Variants in WWOX observed in about 807,000 individuals in gnomAD.
The protein encoded by WWOX is WW domain containing oxidoreductase.
In WWOX, 69 loss-of-function variants were observed where a neutral mutation model predicts 46.2. The ratio of observed to expected loss-of-function variants is 1.49; its 90% CI spans 1.23 to 1.82. The LOEUF (loss-of-function observed/expected upper bound fraction) is 1.82. Among genes scored for constraint, WWOX ranks in the 40% most tolerant of loss-of-function variants. The pLI, the probability that WWOX is intolerant of heterozygous loss-of-function variation, is 0.00. For missense variants in WWOX, 919 were observed against 542.6 expected, an observed-to-expected ratio of 1.69 and a Z score of -6.89; for synonymous variants, 359 against 202.6, an observed-to-expected ratio of 1.77 and a Z score of -6.56.
chr16:78,391,052 A>G (rs902025482), intron 6 of WWOX, among the ~76,000 whole-genome samples: 1 of 152,186 alleles, frequency 6.6e-6, no homozygotes, highest in Non-Finnish European at 1.5e-5. Context: ...CTTAGAGCAG[A>G]AAAGGTAGAA....
At chr16:78,376,408 G>A (rs549529489) in intron 5 of WWOX, among the ~76,000 whole-genome samples, 1 of 152,198 alleles carries the variant, frequency 6.6e-6, no homozygotes, top group Admixed American at 6.5e-5. Context: ...ATTTGAACCA[G>A]GCTGTCCCTG....
intron 5 of WWOX, among the ~76,000 whole-genome samples, chr16:78,255,943 G>C (rs1381598520): frequency 6.6e-6 from 1 of 151,748 alleles, no homozygotes; most frequent in African/African-American, 2.4e-5. Context: ...CAAGGTAAGG[G>C]GTTTGAGACC....
chr16:78,530,429 A>G (rs2043594581), intron 8 of WWOX, among the ~76,000 whole-genome samples: 1 of 152,174 alleles, frequency 6.6e-6, no homozygotes, highest in African/African-American at 2.4e-5. Context: ...AAAAGAAGAC[A>G]AAGCAGGAAG....
intron 8 of WWOX, among the ~76,000 whole-genome samples, chr16:78,731,201 T>A (rs1220788308): frequency 1.3e-5 from 2 of 152,156 alleles, no homozygotes; most frequent in African/African-American, 4.8e-5. Flanking sequence ...TATTTCATTA[T>A]CTGTATTAAT....
intron 8 of WWOX, among the ~76,000 whole-genome samples, chr16:78,458,446 A>G (rs993913110): frequency 2.6e-5 from 4 of 151,812 alleles, no homozygotes; most frequent in African/African-American, 9.7e-5. Context: ...TTTTTTATAG[A>G]GACAAGGTTT....
chr16:78,402,578 C>T (rs1198737729), intron 6 of WWOX, among the ~76,000 whole-genome samples: 4 of 152,104 alleles, frequency 2.6e-5, no homozygotes, highest in Non-Finnish European at 5.9e-5. Flanking sequence ...CCTTTCTGAG[C>T]CCCTCTTGAA....
Position 79,212,202 on chromosome 16 carries a change from T to G in WWOX, c.*406T>G, listed in dbSNP as rs993237472. On this transcript the variant is annotated 3_prime_UTR_variant, in exon 9 of 9. Transcript: ENST00000566780. ...AGCCGGGGGCTGGCCTTCTCCTACT[T>G]AGGGAAGAAAAAGCAAGTGTTCACT... is the stretch of plus-strand genomic sequence containing the variant. 3.8e-5 allele frequency: 55 copies of G among 1,450,556 alleles called. No individual in the cohort carries two copies. Among genetic ancestry groups the G allele is most frequent in the Non-Finnish European group, 1.3e-5 (14 of 1,108,412 alleles). 89.9% of individuals were successfully genotyped at this position (1,450,556 alleles called of 1,614,324 possible). A position where few individuals can be genotyped will look rare whatever the true frequency, so the allele number is the denominator to read the frequency against.
chr16:78,283,565 A>C (rs2079717456), intron 5 of WWOX, among the ~76,000 whole-genome samples: 2 of 152,170 alleles, frequency 1.3e-5, no homozygotes, highest in Non-Finnish European at 2.9e-5. Flanking sequence ...TACAATTTGA[A>C]AACGGATACA....
chr16:79,175,045 C>G (rs1042714832), intron 8 of WWOX, among the ~76,000 whole-genome samples: 1 of 152,210 alleles, frequency 6.6e-6, no homozygotes, highest in Admixed American at 6.5e-5. Context: ...CTCTCATTAT[C>G]CCACCAATCT....
chr16:78,565,675 C>A (rs1597276280), intron 8 of WWOX, among the ~76,000 whole-genome samples: 1 of 152,178 alleles, frequency 6.6e-6, no homozygotes, highest in South Asian at 2.1e-4. Context: ...GTGTAGACTT[C>A]TCTTGTAGGG....
intron 8 of WWOX, among the ~76,000 whole-genome samples, chr16:78,764,924 C>T (rs1366599210): frequency 6.6e-6 from 1 of 152,110 alleles, no homozygotes; most frequent in Admixed American, 6.5e-5. Flanking sequence ...GAATTATCTG[C>T]ATTGTGCCTT....
chr16:78,821,192 G>A (rs2051483310), intron 8 of WWOX, among the ~76,000 whole-genome samples: 1 of 152,060 alleles, frequency 6.6e-6, no homozygotes, highest in Non-Finnish European at 1.5e-5. Context: ...GGGAATTGTG[G>A]CTTCACACCC....
Position 79,070,418 on chromosome 16 carries a change from A to T in WWOX, c.1057-141190A>T, listed in dbSNP as rs577413680. Among the ~76,000 whole-genome samples the T allele has an allele frequency of 5.3e-5, 8 of 152,222 alleles. No homozygotes were observed. In the South Asian group the frequency reaches 1.7e-3, roughly 32 times the overall value. On this transcript the variant is annotated intron_variant, in intron 8 of 8. Coordinates refer to ENST00000566780, the MANE Select transcript of WWOX (RefSeq NM_016373.4). The stretch of plus-strand genomic sequence containing the variant: ...GGTCTCCTGGCTGTCTTTGGAAATG[A>T]CGTATCAGTCCAGATGCCCTTTTTC...
chr16:79,005,995 C>T (rs963770160), intron 8 of WWOX, among the ~76,000 whole-genome samples: 2 of 152,168 alleles, frequency 1.3e-5, no homozygotes, highest in African/African-American at 2.4e-5. Context: ...GTTTAGTCCC[C>T]TCTCTGCAAC....
chr16:78,960,754 A>G (rs1252136984), intron 8 of WWOX, among the ~76,000 whole-genome samples: 6 of 152,278 alleles, frequency 3.9e-5, no homozygotes, highest in South Asian at 4.2e-4. Flanking sequence ...AAAGGAGCCT[A>G]TGTAGCTTTG....
chr16:78,788,224 C>A (rs188709309), intron 8 of WWOX, among the ~76,000 whole-genome samples: 2 of 152,282 alleles, frequency 1.3e-5, no homozygotes, highest in African/African-American at 4.8e-5. Context: ...ATTGCCAAAT[C>A]CAAGGACATA....
chr16:79,124,882 C>A (rs1007545280), intron 8 of WWOX, among the ~76,000 whole-genome samples: 2 of 152,144 alleles, frequency 1.3e-5, no homozygotes, highest in African/African-American at 4.8e-5. Context: ...TCTTGCCAGA[C>A]CCTTACATAT....
At chr16:78,201,748 G>T (rs1278656443) in intron 5 of WWOX, among the ~76,000 whole-genome samples, 2 of 151,804 alleles carry the variant, frequency 1.3e-5, no homozygotes, top group Non-Finnish European at 2.9e-5. Flanking sequence ...CACCAAGTCT[G>T]GAGTGCAGTG....
chr16:78,154,078 C>A (rs1450897092), intron 4 of WWOX, among the ~76,000 whole-genome samples: 2 of 152,186 alleles, frequency 1.3e-5, no homozygotes, highest in Non-Finnish European at 2.9e-5. Flanking sequence ...AGCCATTTCT[C>A]CCTTTGTGTT....
Sources: allele counts gnomAD v4.1 joint callset (sites outside exome capture counted in the v4.1 genomes callset), GRCh38; gene constraint gnomAD v4.1.1; transcripts MANE v1.5; gene names NCBI Gene and HGNC (gene_info 2026-07-23, HGNC 2026-07-21).